The following EPB41L2 variants were observed in gnomAD, a reference collection of about 807,000 sequenced individuals.
EPB41L2 encodes band 4.1-like protein 2.
A neutral mutation model predicts 113.0 loss-of-function variants in EPB41L2; 43 were observed. The ratio of observed to expected loss-of-function variants is 0.38; its 90% CI spans 0.30 to 0.49. The LOEUF is 0.49. Ranked by LOEUF, EPB41L2 falls within the 20% of genes least tolerant of loss-of-function variation. EPB41L2 has a pLI of 0.95. For missense variants in EPB41L2, 1,147 were observed against 1,223.4 expected, an observed-to-expected ratio of 0.94 and a Z score of 0.93; for synonymous variants, 442 against 436.7, an observed-to-expected ratio of 1.01 and a Z score of -0.15.
chr6:130,931,616 A>T (rs1184935113), intron 3 of EPB41L2, among the ~76,000 whole-genome samples: 1 of 152,192 alleles, frequency 6.6e-6, no homozygotes, highest in African/African-American at 2.4e-5. Flanking sequence ...CTCAGACAGC[A>T]ACACCATCTA....
At chr6:130,878,976 T>C (rs1259196544) in intron 13 of EPB41L2, among the ~76,000 whole-genome samples, 1 of 152,218 alleles carries the variant, frequency 6.6e-6, no homozygotes, top group Non-Finnish European at 1.5e-5. Flanking sequence ...ATCGTCCTTA[T>C]ACAGACAAAT....
chr6:130,869,105 G>A (rs1784829392), intron 15 of EPB41L2, among the ~76,000 whole-genome samples: 1 of 152,084 alleles, frequency 6.6e-6, no homozygotes, highest in African/African-American at 2.4e-5. Context: ...GCTGAAGAAT[G>A]AGCCAAGAAG....
At chr6:130,948,737 T>A (rs1813800810) in intron 3 of EPB41L2, among the ~76,000 whole-genome samples, 1 of 152,160 alleles carries the variant, frequency 6.6e-6, no homozygotes, top group African/African-American at 2.4e-5. Flanking sequence ...TGAGAAATTC[T>A]AACTAAAATA....
chr6:130,950,135 C>A (rs1814375359), intron 3 of EPB41L2, among the ~76,000 whole-genome samples: 1 of 152,026 alleles, frequency 6.6e-6, no homozygotes. Flanking sequence ...TTTGTACAAT[C>A]AATCAGAGGT....
Position 131,046,555 on chromosome 6 carries a change from C to T in EPB41L2, c.-15+16600G>A, listed in dbSNP as rs767912713. Among the ~76,000 whole-genome samples the T allele has an allele frequency of 2.8e-4, 43 of 152,152 alleles. 1 individual carries two copies. Among genetic ancestry groups the T allele is most frequent in the Admixed American group, 1.3e-4 (2 of 15,272 alleles). ...CTCAGCAGTACTGACCAACAATAGC[C>T]CAATATTCCAATAACACACCTGCCA... On this transcript the variant is annotated intron_variant, in intron 1 of 19. Transcript: ENST00000337057.
chr6:130,982,645 G>T (rs1226893852), intron 1 of EPB41L2, among the ~76,000 whole-genome samples: 1 of 152,206 alleles, frequency 6.6e-6, no homozygotes, highest in African/African-American at 2.4e-5. Context: ...GTTCTCTGCA[G>T]AAGTTTCAGA....
chr6:131,054,630 G>A (rs1468548893), intron 1 of EPB41L2, among the ~76,000 whole-genome samples: 1 of 152,206 alleles, frequency 6.6e-6, no homozygotes, highest in African/African-American at 2.4e-5. Flanking sequence ...GTGGCACATT[G>A]CCACAGTTAC....
intron 1 of EPB41L2, among the ~76,000 whole-genome samples, chr6:131,023,715 G>C (rs540321777): frequency 2.1e-4 from 13 of 63,412 alleles, no homozygotes; most frequent in Admixed American, 1.8e-3. Flanking sequence ...AAATGTGTGC[G>C]TGTGTGTGTG....
Position 130,955,326 on chromosome 6 carries a change from GA to G in EPB41L2, c.493-10del, listed in dbSNP as rs34763200. 0.39 allele frequency: 627,354 copies of G among 1,602,822 alleles called. 134,674 individuals are homozygous for G. Among genetic ancestry groups the G allele is most frequent in the East Asian group, 0.92 (41,241 of 44,832 alleles). ...CTTACTAATTCAGTAGGCTGTTGAG[GA>G]AAAAAAAATAAATTCATACTATAGT... On this transcript the variant is annotated splice_polypyrimidine_tract_variant and intron_variant, in intron 2 of 19. Transcript: ENST00000337057.
At chr6:131,019,862 A>C (rs1446468717) in intron 1 of EPB41L2, among the ~76,000 whole-genome samples, 9 of 152,138 alleles carry the variant, frequency 5.9e-5, no homozygotes, top group African/African-American at 2.2e-4. Context: ...GGGTTATGTT[A>C]GCTTAAAAAT....
chr6:130,955,442 T>A, intron 2 of EPB41L2, 125 bp from the exon 3 acceptor site: 1 of 947,876 alleles, frequency 1.1e-6, no homozygotes, highest in Non-Finnish European at 1.6e-6. Context: ...TTCAGATTTT[T>A]AAAGACTTGA....
intron 11 of EPB41L2, among the ~76,000 whole-genome samples, chr6:130,886,288 A>C (rs968964437): frequency 3.8e-4 from 58 of 152,130 alleles, no homozygotes; most frequent in African/African-American, 1.4e-3. Flanking sequence ...CTACCTCTCA[A>C]TCCACAGCCT....
At chr6:130,881,211 C>T (rs1367663274) in intron 12 of EPB41L2, 1 of 152,100 alleles carries the variant, frequency 6.6e-6, no homozygotes, top group Non-Finnish European at 1.5e-5. Context: ...AATCATTTAA[C>T]CTTTATAGGT....
intron 18 of EPB41L2, among the ~76,000 whole-genome samples, chr6:130,862,489 T>A (rs1037285055): frequency 6.6e-6 from 1 of 152,176 alleles, no homozygotes; most frequent in Admixed American, 6.5e-5. Flanking sequence ...CAGTGGATAG[T>A]AGAATAAATC....
chr6:130,870,036 T>TA lies in EPB41L2; in HGVS notation c.2133dup (p.Lys712Ter). On this transcript the variant is annotated frameshift_variant, in exon 15 of 20. Coordinates refer to ENST00000337057, the MANE Select transcript of EPB41L2 (RefSeq NM_001431.4). LOFTEE classifies it high-confidence loss of function. The stretch of plus-strand genomic sequence containing the variant: ...GGACCACTCCCAGGTGATATCTCTT[T>TA]ACCATTCATTTCTTCTGTGATTACT... 2 of 1,614,046 alleles carry TA rather than the reference T, an allele frequency of 1.2e-6. No homozygotes were observed. Among genetic ancestry groups the TA allele is most frequent in the Non-Finnish European group, 1.7e-6 (2 of 1,180,016 alleles).
At chr6:130,946,336 T>C (rs1360913319) in intron 3 of EPB41L2, among the ~76,000 whole-genome samples, 1 of 152,180 alleles carries the variant, frequency 6.6e-6, no homozygotes, top group African/African-American at 2.4e-5. Flanking sequence ...ACTATAATCA[T>C]CATTTAAAAA....
Position 130,840,294 on chromosome 6 carries a change from G to A in EPB41L2, c.*310C>T, listed in dbSNP as rs143206870. On this transcript the variant is annotated 3_prime_UTR_variant, in exon 20 of 20. Coordinates refer to ENST00000337057, the MANE Select transcript of EPB41L2 (RefSeq NM_001431.4). ...GATCAAAGTGAGTCATTAAAAGCAG[G>A]TAGTTGCACACAAAGTAAACAGAAA... is the stretch of plus-strand genomic sequence containing the variant. 6.6e-6 allele frequency: 1 copy of A among 152,618 alleles called. No individual in the cohort carries two copies. Among genetic ancestry groups the A allele is most frequent in the African/African-American group, 2.4e-5 (1 of 41,546 alleles). The allele number at this position is 152,618 out of a possible 1,614,324, so 9.5% of individuals were successfully genotyped here.
intron 4 of EPB41L2, among the ~76,000 whole-genome samples, chr6:130,922,246 T>C (rs1000988328): frequency 2.6e-5 from 4 of 152,208 alleles, no homozygotes; most frequent in Admixed American, 1.3e-4. Flanking sequence ...GCCCTTAAAT[T>C]TGTTGACAAT....
chr6:130,913,928 T>A, intron 4 of EPB41L2, among the ~76,000 whole-genome samples: 1 of 151,928 alleles, frequency 6.6e-6, no homozygotes, highest in Non-Finnish European at 1.5e-5. Context: ...TGCATGAGGG[T>A]GTGTGTGCAC....
Sources: gnomAD v4.1 joint callset for allele counts (sites outside exome capture counted in the v4.1 genomes callset) on GRCh38, gnomAD v4.1.1 for gene constraint, MANE v1.5 for transcripts, NCBI Gene and HGNC (gene_info 2026-07-23, HGNC 2026-07-21) for gene names.